GNG7: variants seen among roughly 807,000 people sequenced by gnomAD.
GNG7 encodes guanine nucleotide-binding protein G(I)/G(S)/G(O) subunit gamma-7.
A neutral mutation model predicts 4.0 loss-of-function variants in GNG7; 1 was observed. The observed-to-expected ratio is 0.25, with a 90% CI of 0.09 to 1.18. GNG7 has a LOEUF of 1.18. GNG7 is among the 50% of genes most tolerant of loss of function. The probability of loss-of-function intolerance (pLI) is 0.50; values close to 1 mark genes in which losing one functional copy is unlikely to be tolerated. For missense variants in GNG7, 86 were observed against 91.9 expected (o/e 0.94, Z 0.26); for synonymous variants, 34 against 36.9 (o/e 0.92, Z 0.29).
At chr19:2,700,389 C>A (rs867203036) in intron 1 of GNG7, among the ~76,000 whole-genome samples, 1 of 152,124 alleles carries the variant, frequency 6.6e-6, no homozygotes, top group Admixed American at 6.6e-5. Context: ...GTGATCCACC[C>A]GCCTCGGCCT....
chr19:2,553,652 CATACATGCACACGTTACATGT>C (rs1979426716), intron 3 of GNG7, among the ~76,000 whole-genome samples: 1 of 110,172 alleles, frequency 9.1e-6, no homozygotes, highest in Non-Finnish European at 2.0e-5. Context: ...TGTTATATTA[CATACATGCACACGTTACATGT>C]AATATGTTAT....
chr19:2,522,125 C>T (rs992974624), intron 3 of GNG7, among the ~76,000 whole-genome samples: 3 of 152,110 alleles, frequency 2.0e-5, no homozygotes, highest in African/African-American at 7.2e-5. Flanking sequence ...CTTGGGGGTG[C>T]TCCTGGCAGG....
intron 1 of GNG7, among the ~76,000 whole-genome samples, chr19:2,677,844 C>T (rs143548346): frequency 5.9e-5 from 9 of 152,024 alleles, no homozygotes; most frequent in African/African-American, 1.2e-4. Context: ...AGGCCAGGGA[C>T]GCTGCTCAGC....
intron 1 of GNG7, among the ~76,000 whole-genome samples, chr19:2,647,077 G>C (rs1445378404): frequency 6.6e-6 from 1 of 152,216 alleles, no homozygotes; most frequent in Non-Finnish European, 1.5e-5. Context: ...GCTGCGACCA[G>C]GAACTCCCCA....
At chr19:2,645,813 G>A (rs904378938) in intron 2 of GNG7, among the ~76,000 whole-genome samples, 2 of 152,144 alleles carry the variant, frequency 1.3e-5, no homozygotes, top group East Asian at 1.9e-4. Flanking sequence ...GGAGAAAAAC[G>A]AGGAGTAAAT....
At chr19:2,664,998 C>T (rs572555104) in intron 1 of GNG7, among the ~76,000 whole-genome samples, 124 of 152,016 alleles carry the variant, frequency 8.2e-4, no homozygotes, top group African/African-American at 2.8e-3. Context: ...ATACTCTGTC[C>T]CCTGATCTTC....
chr19:2,531,303 C>CAAAA (rs58133235), intron 3 of GNG7, among the ~76,000 whole-genome samples: 1,019 of 94,792 alleles, frequency 0.011, 54 homozygotes, highest in East Asian at 0.043. Context: ...GATTCCGTCT[C>CAAAA]AAAAAAAAAA....
chr19:2,669,899 A>G (rs988544882), intron 1 of GNG7, among the ~76,000 whole-genome samples: 1 of 151,462 alleles, frequency 6.6e-6, no homozygotes, highest in South Asian at 2.1e-4. Flanking sequence ...AATCCCAGCT[A>G]CTCGGGAGGC....
intron 2 of GNG7, among the ~76,000 whole-genome samples, chr19:2,571,656 T>G (rs539388489): frequency 1.6e-5 from 2 of 128,982 alleles, no homozygotes; most frequent in Non-Finnish European, 3.1e-5. Flanking sequence ...AGTGCAGAGG[T>G]GCGGTCTCGG....
chr19:2,640,908 C>T (rs570592433), intron 2 of GNG7, among the ~76,000 whole-genome samples: 14 of 152,174 alleles, frequency 9.2e-5, no homozygotes, highest in South Asian at 2.1e-4. Context: ...CGATGACAGG[C>T]GTGAGCCACC....
intron 2 of GNG7, among the ~76,000 whole-genome samples, chr19:2,637,390 G>T (rs1326044522): frequency 6.6e-6 from 1 of 151,806 alleles, no homozygotes; most frequent in Admixed American, 6.6e-5. Context: ...AGAGGTCAGA[G>T]ACCCCCGCAG....
intron 2 of GNG7, among the ~76,000 whole-genome samples, chr19:2,621,853 C>A (rs1232063396): frequency 6.6e-6 from 1 of 152,106 alleles, no homozygotes; most frequent in African/African-American, 2.4e-5. Flanking sequence ...TCTCCTGTAG[C>A]GCCCAGGGGA....
chr19:2,588,663 C>T (rs1478807744), intron 2 of GNG7, among the ~76,000 whole-genome samples: 4 of 152,198 alleles, frequency 2.6e-5, no homozygotes, highest in East Asian at 1.9e-4. Flanking sequence ...TGGCCCGTTC[C>T]GTGGGAACTC....
chr19:2,562,724 T>C (rs1218999324), intron 2 of GNG7, among the ~76,000 whole-genome samples: 1 of 152,102 alleles, frequency 6.6e-6, no homozygotes, highest in Admixed American at 6.6e-5. Context: ...CACTGGAATC[T>C]TAGGGGATTC....
chr19:2,667,448 C>G (rs1214450968), intron 1 of GNG7, among the ~76,000 whole-genome samples: 1 of 152,112 alleles, frequency 6.6e-6, no homozygotes, highest in East Asian at 1.9e-4. Flanking sequence ...CCTCTATGTG[C>G]TCGCCAGAAA....
At chr19:2,567,796 C>G (rs1443909768) in intron 2 of GNG7, among the ~76,000 whole-genome samples, 1 of 152,122 alleles carries the variant, frequency 6.6e-6, no homozygotes, top group Admixed American at 6.5e-5. Context: ...CCTAAAAGGT[C>G]ACAAGTCTCC....
At chr19:2,598,484 C>T (rs1470773324) in intron 2 of GNG7, among the ~76,000 whole-genome samples, 2 of 151,024 alleles carry the variant, frequency 1.3e-5, no homozygotes, top group Admixed American at 1.3e-4. Flanking sequence ...GGTGAAACCC[C>T]ATCTCTACTA....
At chr19:2,689,684 A>G (rs1047471834) in intron 1 of GNG7, among the ~76,000 whole-genome samples, 1 of 150,088 alleles carries the variant, frequency 6.7e-6, no homozygotes, top group African/African-American at 2.4e-5. Flanking sequence ...GTTAACTGTT[A>G]GAGCTCTGAC....
chr19:2,566,842 C>G (rs1191296428), intron 2 of GNG7, among the ~76,000 whole-genome samples: 2 of 152,116 alleles, frequency 1.3e-5, no homozygotes, highest in Non-Finnish European at 1.5e-5. Context: ...GTGGCTCAAG[C>G]CTGTAATCCC....
Sources: allele counts gnomAD v4.1 joint callset (sites outside exome capture counted in the v4.1 genomes callset), GRCh38; gene constraint gnomAD v4.1.1; transcripts MANE v1.5; gene names NCBI Gene and HGNC (gene_info 2026-07-23, HGNC 2026-07-21).